Variants in CD247 observed in about 807,000 individuals in gnomAD.
The protein encoded by CD247 is CD247 molecule.
CD247 carries 13 observed loss-of-function variants against 30.0 expected under a neutral mutation model. The observed-to-expected ratio is 0.43, with a 90% confidence interval of 0.28 to 0.69. The LOEUF (loss-of-function observed/expected upper bound fraction) is 0.69, where lower values mean the gene tolerates loss of function less well. Ranked by LOEUF, CD247 falls within the 30% of genes least tolerant of loss-of-function variation. The pLI is 0.16. For synonymous variants in CD247, 72 were observed against 80.0 expected (o/e 0.90, Z 0.53); for missense variants, 193 against 212.6 (o/e 0.91, Z 0.57).
chr1:167,466,753 G>C lies in CD247; in HGVS notation c.59-25986C>G, dbSNP rs183924023. Among the ~76,000 whole-genome samples the C allele has an allele frequency of 1.3e-3, 200 of 152,330 alleles. 1 individual carries two copies. Among genetic ancestry groups the C allele is most frequent in the African/African-American group, 4.5e-3 (187 of 41,578 alleles). On this transcript the variant is annotated intron_variant, in intron 1 of 7. Coordinates refer to ENST00000362089, the MANE Select transcript of CD247 (RefSeq NM_198053.3). ...AGTGAGTAAAGACCAGGCAATGTGA[G>C]CCCAACAGGCTGGAGCCCCTTGATT...
intron 1 of CD247, among the ~76,000 whole-genome samples, chr1:167,485,131 T>G (rs1456219837): frequency 1.3e-5 from 2 of 152,214 alleles, no homozygotes; most frequent in Non-Finnish European, 2.9e-5. Flanking sequence ...TGGCATGGAC[T>G]CCTTCACTTG....
At chr1:167,439,663 G>C (rs776759117) in intron 2 of CD247, 7 of 546,238 alleles carry the variant, frequency 1.3e-5, no homozygotes, top group South Asian at 1.2e-4. Flanking sequence ...TATTCTTCCC[G>C]GGCTAGCGCC....
At chr1:167,471,479 T>C (rs561877675) in intron 1 of CD247, among the ~76,000 whole-genome samples, 7 of 152,282 alleles carry the variant, frequency 4.6e-5, no homozygotes, top group Non-Finnish European at 7.4e-5. Context: ...TAAGCAAAAA[T>C]AGTCTAATTT....
At chr1:167,444,774 A>T (rs149479775) in intron 1 of CD247, among the ~76,000 whole-genome samples, 1 of 152,198 alleles carries the variant, frequency 6.6e-6, no homozygotes, top group African/African-American at 2.4e-5. Context: ...TTTCTGTCAA[A>T]CAGATGCAAT....
chr1:167,469,953 A>G (rs2102045403), intron 1 of CD247, among the ~76,000 whole-genome samples: 1 of 152,040 alleles, frequency 6.6e-6, no homozygotes, highest in Admixed American at 6.5e-5. Flanking sequence ...CACTCTCGTC[A>G]CCCAGGCTGG....
chr1:167,503,398 A>G (rs1654991875), intron 1 of CD247, among the ~76,000 whole-genome samples: 1 of 152,218 alleles, frequency 6.6e-6, no homozygotes, highest in South Asian at 2.1e-4. Flanking sequence ...AGGTCACTTA[A>G]TAGGTGTTCC....
At chr1:167,471,028 C>T (rs1653501126) in intron 1 of CD247, among the ~76,000 whole-genome samples, 2 of 151,980 alleles carry the variant, frequency 1.3e-5, no homozygotes, top group Non-Finnish European at 2.9e-5. Flanking sequence ...CCCATCACCA[C>T]GCCCGGCTAA....
intron 1 of CD247, among the ~76,000 whole-genome samples, chr1:167,454,543 T>C (rs1293133747): frequency 6.6e-6 from 1 of 152,282 alleles, no homozygotes; most frequent in African/African-American, 2.4e-5. Flanking sequence ...TGGTGATGAC[T>C]TGCCGGGGTT....
intron 1 of CD247, among the ~76,000 whole-genome samples, chr1:167,498,228 T>C (rs1285132727): frequency 2.0e-5 from 3 of 152,224 alleles, no homozygotes; most frequent in East Asian, 3.8e-4. Flanking sequence ...ACTTCGGTTG[T>C]CTTTCACACC....
intron 1 of CD247, among the ~76,000 whole-genome samples, chr1:167,514,284 G>A (rs1655508688): frequency 2.0e-5 from 3 of 152,072 alleles, no homozygotes; most frequent in Admixed American, 6.6e-5. Context: ...CTACAGGCAC[G>A]TGCCACCATG....
chr1:167,443,788 G>C (rs866568867), intron 1 of CD247, among the ~76,000 whole-genome samples: 1 of 152,012 alleles, frequency 6.6e-6, no homozygotes, highest in Non-Finnish European at 1.5e-5. Context: ...CAAGTGTGCT[G>C]TGTGTGGTTG....
In CD247 at chr1:167,515,699, G is replaced by A. The variant is rs1394063018; in HGVS notation, c.58+2709C>T. Among the ~76,000 whole-genome samples, 5 of 152,284 alleles carry A rather than the reference G, an allele frequency of 3.3e-5. No individual in the cohort carries two copies. The South Asian group carries it at 6.2e-4, about 19-fold the overall frequency. Reference sequence around the variant, plus strand: ...CAATCATTGTTATGTTTCTGTGCTGGTATGGGTGTGCCCAGAAATCAGAAG... The same window carrying A: ...CAATCATTGTTATGTTTCTGTGCTGATATGGGTGTGCCCAGAAATCAGAAG... On this transcript the variant is annotated intron_variant, in intron 1 of 7. Coordinates refer to ENST00000362089, the MANE Select transcript of CD247 (RefSeq NM_198053.3).
intron 1 of CD247, among the ~76,000 whole-genome samples, chr1:167,512,864 T>C (rs886273969): frequency 7.2e-5 from 11 of 152,220 alleles, no homozygotes; most frequent in Non-Finnish European, 1.6e-4. Flanking sequence ...CCTTCCACCA[T>C]AGTGCCTGCT....
intron 1 of CD247, among the ~76,000 whole-genome samples, chr1:167,466,630 A>G (rs571515916): frequency 1.3e-5 from 2 of 152,328 alleles, no homozygotes; most frequent in Non-Finnish European, 2.9e-5. Flanking sequence ...ATAGGTACCT[A>G]TGCAAATGTA....
intron 1 of CD247, among the ~76,000 whole-genome samples, chr1:167,481,950 C>A (rs1653989694): frequency 1.3e-5 from 2 of 152,212 alleles, no homozygotes; most frequent in African/African-American, 4.8e-5. Context: ...CCTTCTGCAG[C>A]AGGACCTGCC....
At chr1:167,462,638 G>T (rs1226776060) in intron 1 of CD247, among the ~76,000 whole-genome samples, 1 of 152,248 alleles carries the variant, frequency 6.6e-6, no homozygotes, top group African/African-American at 2.4e-5. Context: ...GCTGGGAGAG[G>T]TGTGCCAGGG....
chr1:167,493,294 C>T (rs534882857), intron 1 of CD247, among the ~76,000 whole-genome samples: 9 of 152,224 alleles, frequency 5.9e-5, no homozygotes, highest in South Asian at 2.1e-4. Context: ...CCGCCAGCCT[C>T]GGCCTCCCAA....
At position 167,464,586 on chromosome 1, in the gene CD247, C is replaced by A. The variant is rs1350010186; in HGVS notation, c.59-23819G>T. Among the ~76,000 whole-genome samples, 3 of 152,276 alleles carry A rather than the reference C, an allele frequency of 2.0e-5. No individual in the cohort carries two copies. In the East Asian group the frequency reaches 5.8e-4, roughly 29 times the overall value. The stretch of plus-strand genomic sequence containing the variant: ...GATGCTGGCTCCCAAAACAGGGGCC[C>A]AAATAACTTGAATTCTCAAAAGCTA... On this transcript the variant is annotated intron_variant, in intron 1 of 7. Coordinates refer to ENST00000362089, the MANE Select transcript of CD247 (RefSeq NM_198053.3).
chr1:167,500,024 A>G (rs377755385), intron 1 of CD247, among the ~76,000 whole-genome samples: 1 of 152,200 alleles, frequency 6.6e-6, no homozygotes, highest in African/African-American at 2.4e-5. Flanking sequence ...TCTCTTTATT[A>G]GATTTTTCCA....
Sources: gnomAD v4.1 joint callset for allele counts (sites outside exome capture counted in the v4.1 genomes callset) on GRCh38, gnomAD v4.1.1 for gene constraint, MANE v1.5 for transcripts, NCBI Gene and HGNC (gene_info 2026-07-23, HGNC 2026-07-21) for gene names.